Variants in PDLIM5 observed in about 807,000 individuals in gnomAD.
PDLIM5 encodes the protein PDZ and LIM domain protein 5.
PDLIM5 carries 34 observed loss-of-function variants against 64.2 expected under a neutral mutation model. The ratio of observed to expected loss-of-function variants is 0.53; its 90% CI spans 0.40 to 0.71. The LOEUF is 0.71. Among genes scored for constraint, PDLIM5 ranks in the 30% least tolerant of loss-of-function variants. The pLI is 0.00. For synonymous variants in PDLIM5, 253 were observed against 269.1 expected, an observed-to-expected ratio of 0.94 and a Z score of 0.59; for missense variants, 683 against 733.6, an observed-to-expected ratio of 0.93 and a Z score of 0.80.
Position 94,667,333 on chromosome 4 carries a change from C to T in PDLIM5, c.*3266C>T, listed in dbSNP as rs2110517536. ...CCCTCCATGTCCATAGGCTTCGCAT[C>T]TGTGATTCAGCCCACTGTGGGTCAA... On this transcript the variant is annotated 3_prime_UTR_variant, in exon 13 of 13. Coordinates refer to ENST00000317968, the MANE Select transcript of PDLIM5 (RefSeq NM_006457.5). The T allele has an allele frequency of 6.6e-6, 1 of 152,312 alleles. No homozygotes were observed. The highest frequency in any genetic ancestry group is 2.1e-4 in the South Asian group (1 of 4,828). The allele number at this position is 152,312 out of a possible 1,614,324, so 9.4% of individuals were successfully genotyped here. A position where few individuals can be genotyped will look rare whatever the true frequency, so the allele number is the denominator to read the frequency against.
At chr4:94,553,512 C>T (rs1409321794) in intron 3 of PDLIM5, among the ~76,000 whole-genome samples, 18 of 152,222 alleles carry the variant, frequency 1.2e-4, no homozygotes, top group Admixed American at 4.6e-4. Context: ...TTTAAAAATC[C>T]GTATTCAACT....
At chr4:94,456,380 T>C (rs1161659111) in intron 2 of PDLIM5, 1 of 655,866 alleles carries the variant, frequency 1.5e-6, no homozygotes, top group East Asian at 2.8e-5. Context: ...GTATTTTTAG[T>C]AGAGACCAAG....
intron 8 of PDLIM5, among the ~76,000 whole-genome samples, chr4:94,633,988 G>A (rs1286260571): frequency 2.0e-5 from 3 of 152,116 alleles, no homozygotes; most frequent in Non-Finnish European, 4.4e-5. Context: ...GAAGCACGCT[G>A]GCCAGTACAG....
At chr4:94,639,372 G>A (rs1294745768) in intron 8 of PDLIM5, among the ~76,000 whole-genome samples, 2 of 152,174 alleles carry the variant, frequency 1.3e-5, no homozygotes, top group Non-Finnish European at 2.9e-5. Context: ...GTCTTAGGTG[G>A]CTGTTGAGAG....
intron 9 of PDLIM5, among the ~76,000 whole-genome samples, chr4:94,647,104 C>A (rs1478951669): frequency 6.6e-6 from 1 of 151,954 alleles, no homozygotes; most frequent in Non-Finnish European, 1.5e-5. Context: ...AAAAGGCATA[C>A]AACATAGAGA....
At chr4:94,487,233 T>C in intron 2 of PDLIM5, among the ~76,000 whole-genome samples, 1 of 152,210 alleles carries the variant, frequency 6.6e-6, no homozygotes, top group East Asian at 1.9e-4. Context: ...TTTGTTACAT[T>C]ATCTCATATC....
intron 2 of PDLIM5, among the ~76,000 whole-genome samples, chr4:94,468,204 G>A (rs1724543650): frequency 6.6e-6 from 1 of 152,016 alleles, no homozygotes. Flanking sequence ...CTCAGGTGGA[G>A]TGCAGTGGCA....
At chr4:94,601,490 T>A (rs1046275242) in intron 7 of PDLIM5, among the ~76,000 whole-genome samples, 33 of 152,330 alleles carry the variant, frequency 2.2e-4, no homozygotes, top group African/African-American at 7.5e-4. Context: ...TCCCTTTTTG[T>A]TTGCCTATCT....
rs1726712402 is a variant in PDLIM5 at position 94,489,968 on chromosome 4, C to T, written c.97-33756C>T. 3.3e-5 allele frequency among the ~76,000 whole-genome samples: 5 copies of T among 151,886 alleles called. No homozygotes were observed. In the South Asian group the frequency reaches 1.0e-3, roughly 32 times the overall value. On this transcript the variant is annotated intron_variant, in intron 2 of 12. Transcript: ENST00000317968. ...ATGTGTCCAGGTCAGTACGTATAGACATTTATCATATTGATGTAACATATT... is the reference window on the plus strand; with the variant it reads ...ATGTGTCCAGGTCAGTACGTATAGATATTTATCATATTGATGTAACATATT...
At chr4:94,582,715 A>G in intron 5 of PDLIM5, 1 of 1,576,918 alleles carries the variant, frequency 6.3e-7, no homozygotes. Flanking sequence ...TTCTTCCCTC[A>G]GTAACCCTGG....
chr4:94,497,849 A>G (rs1350048618), intron 2 of PDLIM5, among the ~76,000 whole-genome samples: 1 of 152,148 alleles, frequency 6.6e-6, no homozygotes, highest in Admixed American at 6.5e-5. Flanking sequence ...TAAAACTGCA[A>G]GATTGAATGG....
At chr4:94,592,748 T>C (rs1736764691) in intron 7 of PDLIM5, among the ~76,000 whole-genome samples, 1 of 152,102 alleles carries the variant, frequency 6.6e-6, no homozygotes, top group African/African-American at 2.4e-5. Flanking sequence ...CGCCTCAGCC[T>C]CCCAAGTAGC....
intron 7 of PDLIM5, chr4:94,610,154 C>CT (rs1469666524): frequency 1.3e-6 from 2 of 1,503,570 alleles, no homozygotes; most frequent in Admixed American, 4.2e-5. Context: ...CTTTCCCTAC[C>CT]TGTCAGTTTA....
chr4:94,515,435 A>G (rs1729277049), intron 2 of PDLIM5, among the ~76,000 whole-genome samples: 1 of 152,172 alleles, frequency 6.6e-6, no homozygotes, highest in Admixed American at 6.5e-5. Context: ...ATTCTGTTTT[A>G]AAAGTTCTTA....
At chr4:94,556,325 T>C (rs1050078742) in intron 3 of PDLIM5, among the ~76,000 whole-genome samples, 2 of 152,186 alleles carry the variant, frequency 1.3e-5, no homozygotes. Flanking sequence ...TTTGGGTTGG[T>C]TCCAAGTCTT....
chr4:94,501,584 A>G (rs1264171671), intron 2 of PDLIM5, among the ~76,000 whole-genome samples: 1 of 152,156 alleles, frequency 6.6e-6, no homozygotes, highest in Non-Finnish European at 1.5e-5. Context: ...CCTGTATTTT[A>G]TAGTTTTTTA....
At chr4:94,602,088 G>A (rs982248905) in intron 7 of PDLIM5, among the ~76,000 whole-genome samples, 1 of 152,152 alleles carries the variant, frequency 6.6e-6, no homozygotes, top group South Asian at 2.1e-4. Flanking sequence ...CTTTGTGGAA[G>A]TAGAATACCA....
intron 2 of PDLIM5, among the ~76,000 whole-genome samples, chr4:94,501,832 C>G (rs1727951399): frequency 6.6e-6 from 1 of 152,212 alleles, no homozygotes; most frequent in Admixed American, 6.5e-5. Flanking sequence ...GAAGATCTTC[C>G]CACCAAAATA....
intron 5 of PDLIM5, among the ~76,000 whole-genome samples, chr4:94,576,755 G>A (rs146833574): frequency 1.2e-4 from 18 of 152,162 alleles, no homozygotes; most frequent in Admixed American, 1.2e-3. Context: ...GTTTCTTATC[G>A]TTTTTCCCTT....
Sources: allele counts gnomAD v4.1 joint callset (sites outside exome capture counted in the v4.1 genomes callset), GRCh38; gene constraint gnomAD v4.1.1; transcripts MANE v1.5; gene names NCBI Gene and HGNC (gene_info 2026-07-23, HGNC 2026-07-21).